PHACTR1: variants seen among roughly 807,000 people sequenced by gnomAD.
PHACTR1 encodes the protein phosphatase and actin regulator 1.
PHACTR1 carries 16 observed loss-of-function variants against 69.2 expected under a neutral mutation model. That is an observed-to-expected ratio of 0.23 (90% CI 0.16 to 0.35). The LOEUF (loss-of-function observed/expected upper bound fraction) is 0.35. PHACTR1 is among the 10% of genes least tolerant of loss of function. The pLI is 1.00. For synonymous variants in PHACTR1, 312 were observed against 284.5 expected (o/e 1.10, Z -0.97); for missense variants, 510 against 734.7 (o/e 0.69, Z 3.54).
At chr6:12,854,014 TCA>T (rs1780081518) in intron 4 of PHACTR1, among the ~76,000 whole-genome samples, 1 of 152,220 alleles carries the variant, frequency 6.6e-6, no homozygotes, top group Admixed American at 6.5e-5. Flanking sequence ...ATAGGCGTTG[TCA>T]ATACGTATAG....
intron 4 of PHACTR1, among the ~76,000 whole-genome samples, chr6:13,016,571 G>C (rs577801359): frequency 9.2e-5 from 14 of 151,438 alleles, no homozygotes; most frequent in Non-Finnish European, 1.9e-4. Flanking sequence ...AAATATGTCT[G>C]GTTATTGAGA....
intron 7 of PHACTR1, among the ~76,000 whole-genome samples, chr6:13,205,559 A>G (rs1765780914): frequency 6.6e-6 from 1 of 152,234 alleles, no homozygotes; most frequent in Admixed American, 6.5e-5. Flanking sequence ...AGTCTCTGAC[A>G]TACTGTGCAT....
intron 10 of PHACTR1, among the ~76,000 whole-genome samples, chr6:13,254,403 A>G (rs1279828153): frequency 6.6e-6 from 1 of 152,220 alleles, no homozygotes; most frequent in Non-Finnish European, 1.5e-5. Flanking sequence ...TATTGGGCCC[A>G]GTGTAACTCT....
chr6:12,814,616 T>C (rs1165985758), intron 4 of PHACTR1, among the ~76,000 whole-genome samples: 2 of 152,104 alleles, frequency 1.3e-5, no homozygotes, highest in Admixed American at 6.5e-5. Context: ...CAGGACTTGC[T>C]AAGATTCTGT....
chr6:13,099,941 A>G (rs1561830118), intron 5 of PHACTR1, among the ~76,000 whole-genome samples: 1 of 152,240 alleles, frequency 6.6e-6, no homozygotes, highest in Non-Finnish European at 1.5e-5. Flanking sequence ...TAATGTCACA[A>G]CAAGGGCTAG....
chr6:13,008,318 G>A (rs994401815), intron 4 of PHACTR1, among the ~76,000 whole-genome samples: 4 of 152,164 alleles, frequency 2.6e-5, no homozygotes, highest in Non-Finnish European at 5.9e-5. Context: ...ATAACTAGAC[G>A]TGCAAGAGTC....
intron 10 of PHACTR1, among the ~76,000 whole-genome samples, chr6:13,265,775 C>T (rs1776605536): frequency 6.6e-6 from 1 of 152,160 alleles, no homozygotes; most frequent in South Asian, 2.1e-4. Context: ...CCTCATCCTA[C>T]CTCCAAGAAC....
At chr6:13,071,036 T>G (rs1456163242) in intron 5 of PHACTR1, among the ~76,000 whole-genome samples, 1 of 152,076 alleles carries the variant, frequency 6.6e-6, no homozygotes, top group African/African-American at 2.4e-5. Context: ...AAGGTCATGT[T>G]TAAAGGTCTT....
chr6:13,022,736 G>C (rs957955425), intron 4 of PHACTR1, among the ~76,000 whole-genome samples: 1 of 151,978 alleles, frequency 6.6e-6, no homozygotes, highest in Non-Finnish European at 1.5e-5. Context: ...TATCTCTCCT[G>C]TCTGGGTGCG....
In PHACTR1 at chr6:13,053,395, G is replaced by A. The variant is rs61746695; in HGVS notation, c.281G>A (p.Arg94His). 1.6e-5 allele frequency: 25 copies of A among 1,612,694 alleles called. No individual in the cohort carries two copies. Among genetic ancestry groups the A allele is most frequent in the South Asian group, 6.6e-5 (6 of 90,848 alleles). Residue 94 changes from arginine (R) to histidine (H), a missense_variant, in exon 5 of 15, where the codon CGT becomes CAT. Arg to His is a conservative substitution (Grantham distance 29, BLOSUM62 0). Around this residue, in one of 2 missense-constraint regions of PHACTR1, gnomAD observed 419 missense variants for 530.9 expected, o/e 0.79. Coordinates refer to ENST00000332995, the MANE Select transcript of PHACTR1 (RefSeq NM_030948.6). ...GAAGTGGAGAGGCTGGCGGCGATGC[G>A]TTCTGACTCCCTCGTCCCAGGCACC... Reference protein sequence around the residue: ...AEEVERLAAMRSDSLVPGTHT... With the variant: ...AEEVERLAAMHSDSLVPGTHT...
chr6:13,155,946 T>C (rs1427240264), intron 5 of PHACTR1, among the ~76,000 whole-genome samples: 1 of 151,728 alleles, frequency 6.6e-6, no homozygotes, highest in Non-Finnish European at 1.5e-5. Flanking sequence ...GAGAGTAAAG[T>C]GGAATTATGT....
At chr6:13,069,459 G>T in intron 5 of PHACTR1, among the ~76,000 whole-genome samples, 1 of 152,066 alleles carries the variant, frequency 6.6e-6, no homozygotes. Flanking sequence ...CTCTAGACCT[G>T]CATGACACAC....
chr6:13,213,161 G>A (rs1010186922), intron 8 of PHACTR1, among the ~76,000 whole-genome samples: 4 of 152,158 alleles, frequency 2.6e-5, no homozygotes, highest in Non-Finnish European at 5.9e-5. Flanking sequence ...TAGCTGCAGT[G>A]ATATTCTTTC....
chr6:12,983,692 C>A (rs2127595907), intron 4 of PHACTR1, among the ~76,000 whole-genome samples: 1 of 152,260 alleles, frequency 6.6e-6, no homozygotes, highest in Middle Eastern at 3.4e-3. Flanking sequence ...GCTACCCCTC[C>A]CCACTCCCGC....
intron 7 of PHACTR1, among the ~76,000 whole-genome samples, chr6:13,193,496 C>A (rs1033212066): frequency 4.7e-5 from 7 of 150,118 alleles, no homozygotes; most frequent in African/African-American, 1.7e-4. Context: ...AAATGATCAT[C>A]CCACCTCAGC....
intron 4 of PHACTR1, among the ~76,000 whole-genome samples, chr6:12,917,023 T>G (rs998224838): frequency 2.6e-5 from 4 of 152,230 alleles, no homozygotes; most frequent in African/African-American, 9.6e-5. Context: ...AAGGATACTA[T>G]TACCTTTTTA....
chr6:13,103,347 A>T (rs1815497642), intron 5 of PHACTR1, among the ~76,000 whole-genome samples: 2 of 152,220 alleles, frequency 1.3e-5, no homozygotes, highest in South Asian at 4.1e-4. Flanking sequence ...AAGGAGAAAC[A>T]GGAAAGTTGC....
chr6:12,765,219 T>G (rs764063158), intron 4 of PHACTR1, among the ~76,000 whole-genome samples: 8 of 152,250 alleles, frequency 5.3e-5, no homozygotes, highest in Non-Finnish European at 1.2e-4. Context: ...ATCTTTTATT[T>G]TGACTTATTG....
intron 4 of PHACTR1, among the ~76,000 whole-genome samples, chr6:12,977,151 C>T (rs1482545061): frequency 6.6e-6 from 1 of 152,054 alleles, no homozygotes; most frequent in Non-Finnish European, 1.5e-5. Context: ...AGGGTTTCAC[C>T]AAGTTGGCTA....
Sources: gnomAD v4.1 joint callset for allele counts (sites outside exome capture counted in the v4.1 genomes callset) on GRCh38, gnomAD v4.1.1 for gene constraint, gnomAD v4.1.1 regional missense constraint, MANE v1.5 for transcripts, NCBI Gene and HGNC (gene_info 2026-07-23, HGNC 2026-07-21) for gene names.